VWDE: variants seen among roughly 807,000 people sequenced by gnomAD.
VWDE encodes the protein von Willebrand factor D and EGF domains.
VWDE carries 207 observed loss-of-function variants against 178.4 expected under a neutral mutation model. That is an observed-to-expected ratio of 1.16 (90% CI 1.04 to 1.30). VWDE has a LOEUF of 1.30. Ranked by LOEUF, VWDE falls within the 50% of genes most tolerant of loss-of-function variation. The pLI is 0.00. For synonymous variants in VWDE, 738 were observed against 651.4 expected (o/e 1.13, Z -2.02); for missense variants, 2,287 against 1,901.3 (o/e 1.20, Z -3.77).
intron 19 of VWDE, among the ~76,000 whole-genome samples, chr7:12,348,230 C>A (rs1460591802): frequency 1.4e-5 from 2 of 146,168 alleles, no homozygotes; most frequent in Non-Finnish European, 3.0e-5. Flanking sequence ...CAAATGGGAT[C>A]TAATTAAACT....
Position 12,373,258 on chromosome 7 carries a change from C to A in VWDE, c.1317-11G>T. The stretch of plus-strand genomic sequence containing the variant: ...AAATTATCATATACCCTATCATTAA[C>A]AAAAGGCAATTGCATTAAAAAATCG... On this transcript the variant is annotated splice_polypyrimidine_tract_variant and intron_variant, in intron 9 of 28. Transcript: ENST00000275358. 6.5e-7 allele frequency: 1 copy of A among 1,548,042 alleles called. No individual in the cohort carries two copies.
In VWDE at chr7:12,375,001, T is replaced by C. The variant is rs1406065776; in HGVS notation, c.1242+9A>G. 9 of 1,549,672 alleles carry C rather than the reference T, an allele frequency of 5.8e-6. No homozygotes were observed. Among genetic ancestry groups the C allele is most frequent in the Non-Finnish European group, 7.9e-6 (9 of 1,145,514 alleles). ...TTCACTTGCAGTATTAGTGTTGTAA[T>C]TTGTCAACCTGGATGCTGTCTGGAA... On this transcript the variant is annotated intron_variant, in intron 8 of 28. Coordinates refer to ENST00000275358, the MANE Select transcript of VWDE (RefSeq NM_001135924.3).
intron 23 of VWDE, 117 bp downstream of exon 23, chr7:12,341,942 A>T (rs1781355369): frequency 1.4e-6 from 1 of 691,370 alleles, no homozygotes; most frequent in South Asian, 2.1e-5. Flanking sequence ...TAACAACTTC[A>T]TACCTATCTA....
intron 16 of VWDE, among the ~76,000 whole-genome samples, chr7:12,357,719 C>A (rs1488090652): frequency 6.6e-6 from 1 of 151,850 alleles, no homozygotes; most frequent in Non-Finnish European, 1.5e-5. Context: ...AGGTGCAAGA[C>A]CTCAGGCATT....
At chr7:12,336,373 T>G in intron 26 of VWDE, 137 bp from the exon 27 acceptor site, 1 of 696,096 alleles carries the variant, frequency 1.4e-6, no homozygotes, top group Non-Finnish European at 2.3e-6. Context: ...CCCTAATATT[T>G]TATCAAGAAC....
chr7:12,372,459 T>C (rs1237430995), intron 10 of VWDE, among the ~76,000 whole-genome samples: 1 of 152,070 alleles, frequency 6.6e-6, no homozygotes, highest in Non-Finnish European at 1.5e-5. Context: ...GGAAGGTGGC[T>C]ATGACCTGAA....
intron 5 of VWDE, 111 bp downstream of exon 5, chr7:12,380,375 T>C: frequency 7.3e-7 from 1 of 1,373,934 alleles, no homozygotes; most frequent in Non-Finnish European, 9.6e-7. Flanking sequence ...AGAAAAATAT[T>C]AGGGCTTTAT....
intron 5 of VWDE, among the ~76,000 whole-genome samples, chr7:12,379,967 G>A (rs774404497): frequency 2.1e-4 from 32 of 151,708 alleles, no homozygotes; most frequent in Admixed American, 2.6e-4. Context: ...GTGTGGTGGC[G>A]GGCGCCTGTA....
chr7:12,346,182 G>A (rs1781587218), intron 19 of VWDE, among the ~76,000 whole-genome samples: 1 of 152,086 alleles, frequency 6.6e-6, no homozygotes, highest in African/African-American at 2.4e-5. Flanking sequence ...ATGTTAAATA[G>A]TATAAAAGTC....
chr7:12,352,242 G>A (rs1340842782), intron 18 of VWDE, among the ~76,000 whole-genome samples: 1 of 152,082 alleles, frequency 6.6e-6, no homozygotes, highest in African/African-American at 2.4e-5. Context: ...TCACCCACCC[G>A]ATCAATTTTG....
chr7:12,361,961 A>G (rs1164994374), intron 13 of VWDE, among the ~76,000 whole-genome samples: 1 of 151,972 alleles, frequency 6.6e-6, no homozygotes, highest in Non-Finnish European at 1.5e-5. Context: ...AGGGTCTCTC[A>G]TATTCCTATA....
Position 12,357,362 on chromosome 7 carries a change from G to A in VWDE, c.3428C>T (p.Ala1143Val). 1.3e-6 allele frequency: 2 copies of A among 1,551,974 alleles called. No homozygotes were observed. Among genetic ancestry groups the A allele is most frequent in the Non-Finnish European group, 1.7e-6 (2 of 1,147,060 alleles). The stretch of plus-strand genomic sequence containing the variant: ...ATCTGTTTTCCACATAAAAAGCCCT[G>A]CAGAGGAAACACTTGCCCCTTCAGG... ...SGPEGASVSS[A>V]GLFMWKTDLL... is the part of the protein sequence containing the mutation. Residue 1143 changes from alanine to valine, a missense_variant, in exon 17 of 29, where the codon GCA (alanine) becomes GTA (valine). Physicochemically the swap from Ala to Val is moderately conservative, Grantham distance 64. Transcript: ENST00000275358.
chr7:12,340,991 T>C (rs1781299446), intron 23 of VWDE, among the ~76,000 whole-genome samples: 1 of 152,200 alleles, frequency 6.6e-6, no homozygotes, highest in Non-Finnish European at 1.5e-5. Flanking sequence ...CCCTAGATCC[T>C]ACCCATTCAC....
At chr7:12,393,896 A>T in intron 1 of VWDE, 118 bp from the exon 2 acceptor site, 1 of 766,638 alleles carries the variant, frequency 1.3e-6, no homozygotes. Flanking sequence ...ACTATTGCAC[A>T]TAAAGACCCT....
intron 1 of VWDE, among the ~76,000 whole-genome samples, chr7:12,402,868 T>TTTC (rs1784973270): frequency 1.3e-5 from 2 of 152,270 alleles, no homozygotes; most frequent in Admixed American, 1.3e-4. Flanking sequence ...ATAAATGTTG[T>TTTC]ACATAATGTT....
At chr7:12,349,652 T>C (rs1054774498) in intron 19 of VWDE, among the ~76,000 whole-genome samples, 2 of 151,396 alleles carry the variant, frequency 1.3e-5, no homozygotes, top group Non-Finnish European at 3.0e-5. Flanking sequence ...TATAAAGTAC[T>C]CCTACAAATC....
chr7:12,339,138 A>G (rs1185662364), intron 24 of VWDE, among the ~76,000 whole-genome samples: 1 of 151,892 alleles, frequency 6.6e-6, no homozygotes, highest in Non-Finnish European at 1.5e-5. Flanking sequence ...TGTAAAACCT[A>G]CTCTCTCCCC....
chr7:12,360,531 G>T (rs946783054), intron 15 of VWDE, among the ~76,000 whole-genome samples: 1 of 152,090 alleles, frequency 6.6e-6, no homozygotes, highest in Non-Finnish European at 1.5e-5. Context: ...AAATTTTCAT[G>T]TACATAAATA....
intron 10 of VWDE, among the ~76,000 whole-genome samples, chr7:12,372,301 T>C (rs1783252462): frequency 6.6e-6 from 1 of 152,048 alleles, no homozygotes; most frequent in African/African-American, 2.4e-5. Flanking sequence ...GCATTTTGGT[T>C]TTCAGTGATG....
Sources: allele counts gnomAD v4.1 joint callset (sites outside exome capture counted in the v4.1 genomes callset), GRCh38; gene constraint gnomAD v4.1.1; transcripts MANE v1.5; gene names NCBI Gene and HGNC (gene_info 2026-07-23, HGNC 2026-07-21).